Variants in PCDHGA7 observed in about 807,000 individuals in gnomAD.
PCDHGA7 encodes the protein protocadherin gamma-A7.
In PCDHGA7, 44 loss-of-function variants were observed where a neutral mutation model predicts 58.3. The observed-to-expected ratio is 0.75, with a 90% confidence interval of 0.59 to 0.97. The LOEUF is 0.97. Among genes scored for constraint, PCDHGA7 ranks in the 50% least tolerant of loss-of-function variants. PCDHGA7 has a pLI of 0.00. For missense variants in PCDHGA7, 1,266 were observed against 1,188.7 expected (o/e 1.06, Z -0.96); for synonymous variants, 516 against 504.2 (o/e 1.02, Z -0.31).
intron 1 of PCDHGA7, among the ~76,000 whole-genome samples, chr5:141,448,146 C>G (rs1375402473): frequency 6.6e-6 from 1 of 151,942 alleles, no homozygotes; most frequent in Non-Finnish European, 1.5e-5. Flanking sequence ...ATACCTCAGA[C>G]TCACCCCTGA....
In PCDHGA7 at chr5:141,393,943, G is replaced by A. The variant is rs186465469; in HGVS notation, c.2424+8620G>A. Reference sequence around the variant, plus strand: ...TTGAGTGTGCATGACCAAGACTCTGGAAAGAATGGTCAAGTTGTCTGTTAC... The same window carrying A: ...TTGAGTGTGCATGACCAAGACTCTGAAAAGAATGGTCAAGTTGTCTGTTAC... On this transcript the variant is annotated intron_variant, in intron 1 of 3. Transcript: ENST00000518325. 1.6e-5 allele frequency: 26 copies of A among 1,613,936 alleles called. No homozygotes were observed. The East Asian group carries it at 3.1e-4, about 19-fold the overall frequency.
rs200625256 is a variant in PCDHGA7 at position 141,477,009 on chromosome 5, A to G, written c.2425-17798A>G. 7.5e-5 allele frequency: 121 copies of G among 1,614,064 alleles called. No homozygotes were observed. Among genetic ancestry groups the G allele is most frequent in the Non-Finnish European group, 9.2e-5 (109 of 1,180,028 alleles). On this transcript the variant is annotated intron_variant, in intron 1 of 3. Transcript: ENST00000518325. This position sits in a 1 kb window ranked among gnomAD's most constrained non-coding sequence, Gnocchi z 4.9. The stretch of plus-strand genomic sequence containing the variant: ...GGCGTGCGGCAACTATTCGCCTTAG[A>G]CCTTGTAACCGGGATGCTGACAATC...
intron 1 of PCDHGA7, among the ~76,000 whole-genome samples, chr5:141,467,772 C>A (rs972304213): frequency 1.3e-5 from 2 of 151,686 alleles, no homozygotes; most frequent in Admixed American, 6.6e-5. Flanking sequence ...AGTGCCCGCA[C>A]CTCAGCCTCT....
chr5:141,384,945 C>T lies in PCDHGA7; in HGVS notation c.2046C>T (p.Asp682=). The T allele has an allele frequency of 1.2e-6, 2 of 1,614,120 alleles. No individual in the cohort carries two copies. The highest frequency in any genetic ancestry group is 1.7e-6 in the Non-Finnish European group (2 of 1,180,034). ...ACCTGGGCAGCCTTGAGCCCTCCGA[C>T]GGTCCTTACAACTATGACCTCACGT... The part of the protein sequence containing the change: ...LADLGSLEPS[D]GPYNYDLTLY... Residue 682 remains aspartate, a synonymous_variant, in exon 1 of 4, where the codon GAC becomes GAT. Transcript: ENST00000518325.
At position 141,511,248 on chromosome 5, in the gene PCDHGA7, C is replaced by T; in HGVS notation, c.*75C>T. ...AGCTTCTCCTTACCTGCACCCAGGC[C>T]TCAGAGTTTCAGGGCTAACCCCCAG... On this transcript the variant is annotated 3_prime_UTR_variant, in exon 4 of 4. Transcript: ENST00000518325. 6.4e-7 allele frequency: 1 copy of T among 1,574,736 alleles called. No homozygotes were observed. The highest frequency in any genetic ancestry group is 8.6e-7 in the Non-Finnish European group (1 of 1,160,336).
At chr5:141,464,430 T>C (rs1213919443) in intron 1 of PCDHGA7, among the ~76,000 whole-genome samples, 1 of 151,680 alleles carries the variant, frequency 6.6e-6, no homozygotes, top group Non-Finnish European at 1.5e-5. Flanking sequence ...TATATAGATA[T>C]ATATGTTTGT....
At chr5:141,467,597 A>T (rs2099147099) in intron 1 of PCDHGA7, among the ~76,000 whole-genome samples, 1 of 152,136 alleles carries the variant, frequency 6.6e-6, no homozygotes, top group Non-Finnish European at 1.5e-5. Flanking sequence ...TTTATTAAGC[A>T]CTTCATCTTT....
In PCDHGA7 at chr5:141,423,718, A is replaced by G. The variant is rs1450410707; in HGVS notation, c.2424+38395A>G. The G allele has an allele frequency of 4.8e-6, 5 of 1,049,028 alleles. No homozygotes were observed. In the East Asian group the frequency reaches 2.9e-4, roughly 60 times the overall value. 65.0% of individuals were successfully genotyped at this position (1,049,028 alleles called of 1,614,324 possible). On this transcript the variant is annotated intron_variant, in intron 1 of 3. Coordinates refer to ENST00000518325, the MANE Select transcript of PCDHGA7 (RefSeq NM_018920.4). The stretch of plus-strand genomic sequence containing the variant: ...GTGTCTTGGCACAAGTCTTTTAAGG[A>G]GATGTTTTTTGAGCCTGTTATGAAA...
At chr5:141,418,031 G>A (rs760396058) in intron 1 of PCDHGA7, 1 of 1,614,022 alleles carries the variant, frequency 6.2e-7, no homozygotes, top group Non-Finnish European at 8.5e-7. Context: ...AGGGCTTAGT[G>A]TCCTGGATGT....
At chr5:141,467,361 G>T (rs555435172) in intron 1 of PCDHGA7, among the ~76,000 whole-genome samples, 2 of 151,742 alleles carry the variant, frequency 1.3e-5, no homozygotes, top group Non-Finnish European at 2.9e-5. Flanking sequence ...CCAAATCAAC[G>T]TTTTCTTATA....
In PCDHGA7 at chr5:141,505,419, C is replaced by T; in HGVS notation, c.2510C>T (p.Thr837Ile). 3 of 1,614,258 alleles carry T rather than the reference C, an allele frequency of 1.9e-6. No homozygotes were observed. Among genetic ancestry groups the T allele is most frequent in the Non-Finnish European group, 2.5e-6 (3 of 1,180,054 alleles). Residue 837 changes from threonine to isoleucine, a missense_variant, in exon 3 of 4, where the codon ACC becomes ATC. By Grantham distance (89) the Thr-to-Ile change is moderately conservative. Transcript: ENST00000518325. The part of the protein sequence containing the change: ...SGSQNGDDTG[T>I]WPNNQFDTEM... ...TCCCAAAATGGCGATGACACCGGCA[C>T]CTGGCCCAACAACCAGTTTGACACA...
intron 1 of PCDHGA7, among the ~76,000 whole-genome samples, chr5:141,470,504 G>A (rs914828244): frequency 6.6e-6 from 1 of 152,114 alleles, no homozygotes; most frequent in Admixed American, 6.6e-5. Flanking sequence ...TAGGTAATTA[G>A]ACAGTTAGCT....
chr5:141,472,769 T>C (rs2154571402), intron 1 of PCDHGA7, among the ~76,000 whole-genome samples: 1 of 151,816 alleles, frequency 6.6e-6, no homozygotes, highest in South Asian at 2.1e-4. Context: ...GCAGATCACC[T>C]GAGGTTGGGA....
At chr5:141,401,102 G>C (rs1372226488) in intron 1 of PCDHGA7, among the ~76,000 whole-genome samples, 3 of 152,150 alleles carry the variant, frequency 2.0e-5, no homozygotes, top group Non-Finnish European at 4.4e-5. Context: ...CCAGCACTTT[G>C]GGAGGCCGAG....
rs758099753 is a variant in PCDHGA7, at chr5:141,432,129, A to G, written c.2424+46806A>G. The G allele has an allele frequency of 5.6e-6, 9 of 1,614,054 alleles. No homozygotes were observed. The highest frequency in any genetic ancestry group is 5.5e-5 in the South Asian group (5 of 91,056). On this transcript the variant is annotated intron_variant, in intron 1 of 3. Transcript: ENST00000518325. The surrounding 1 kb of genome is among the most constrained non-coding windows in gnomAD (Gnocchi z 6.0). Reference sequence around the variant, plus strand: ...CCGCCGGTCTTCCCTCAGGCCTCCTATTCCGCTTATATCCCAGAGAACAAT... The same window carrying G: ...CCGCCGGTCTTCCCTCAGGCCTCCTGTTCCGCTTATATCCCAGAGAACAAT...
At chr5:141,460,951 G>GTATATATA (rs200454978) in intron 1 of PCDHGA7, among the ~76,000 whole-genome samples, 42 of 139,772 alleles carry the variant, frequency 3.0e-4, no homozygotes, top group African/African-American at 1.1e-3. Context: ...TATGTATTAT[G>GTATATATA]TATATATATA....
chr5:141,487,438 G>A lies in PCDHGA7; in HGVS notation c.2425-7369G>A, dbSNP rs2154580826. 6 of 1,614,174 alleles carry A rather than the reference G, an allele frequency of 3.7e-6. No individual in the cohort carries two copies. Among genetic ancestry groups the A allele is most frequent in the East Asian group, 2.2e-5 (1 of 44,866 alleles). On this transcript the variant is annotated intron_variant, in intron 1 of 3. Transcript: ENST00000518325. This position sits in a 1 kb window ranked among gnomAD's most constrained non-coding sequence, Gnocchi z 5.0. The stretch of plus-strand genomic sequence containing the variant: ...ATGGGATCCTCCGAATCCAGCTAGG[G>A]TCAGATGACCCTATCAAGTTTGTTG...
At position 141,477,961 on chromosome 5, in the gene PCDHGA7, C is replaced by G. The variant is rs199947431; in HGVS notation, c.2425-16846C>G. On this transcript the variant is annotated intron_variant, in intron 1 of 3. Transcript: ENST00000518325. The surrounding 1 kb of genome is among the most constrained non-coding windows in gnomAD (Gnocchi z 4.9). ...CCTACAGTCTCTTGGGATCCCCTAA[C>G]CAGAGCCTTTTTGCCATAGGGCTGC... 10 of 1,614,166 alleles carry G rather than the reference C, an allele frequency of 6.2e-6. No individual in the cohort carries two copies. Among genetic ancestry groups the G allele is most frequent in the Middle Eastern group, 3.3e-4 (2 of 6,062 alleles).
At chr5:141,392,922 G>A (rs2092629176) in intron 1 of PCDHGA7, 1 of 1,613,946 alleles carries the variant, frequency 6.2e-7, no homozygotes, top group African/African-American at 1.3e-5. Context: ...CTCTGTGCCA[G>A]AAGAGACGGA....
Sources: gnomAD v4.1 joint callset for allele counts (sites outside exome capture counted in the v4.1 genomes callset) on GRCh38, gnomAD v4.1.1 for gene constraint, Gnocchi (gnomAD v3.1) non-coding constraint, MANE v1.5 for transcripts, NCBI Gene and HGNC (gene_info 2026-07-23, HGNC 2026-07-21) for gene names.